Variants in WWOX observed in about 807,000 individuals in gnomAD.
WWOX encodes the protein WW domain containing oxidoreductase.
In WWOX, 69 loss-of-function variants were observed where a neutral mutation model predicts 46.2. The ratio of observed to expected loss-of-function variants is 1.49; its 90% CI spans 1.23 to 1.82. WWOX has a LOEUF of 1.82. Among genes scored for constraint, WWOX ranks in the 40% most tolerant of loss-of-function variants. The pLI, the probability that WWOX is intolerant of heterozygous loss-of-function variation, is 0.00. For missense variants in WWOX, 919 were observed against 542.6 expected (o/e 1.69, Z -6.89); for synonymous variants, 359 against 202.6 (o/e 1.77, Z -6.56).
chr16:78,745,110 G>A (rs1293606900), intron 8 of WWOX, among the ~76,000 whole-genome samples: 1 of 152,162 alleles, frequency 6.6e-6, no homozygotes, highest in Admixed American at 6.5e-5. Flanking sequence ...GACTATAGGA[G>A]CCAAGACTAG....
chr16:79,193,381 C>T (rs887146617), intron 8 of WWOX, among the ~76,000 whole-genome samples: 2 of 152,170 alleles, frequency 1.3e-5, no homozygotes, highest in African/African-American at 2.4e-5. Flanking sequence ...AGGGCATCTC[C>T]CCAAACTGCT....
At chr16:78,427,533 C>A (rs370706937) in intron 7 of WWOX, among the ~76,000 whole-genome samples, 123 of 150,830 alleles carry the variant, frequency 8.2e-4, no homozygotes, top group African/African-American at 2.8e-3. Context: ...CACACATACA[C>A]GCACGCACGC....
intron 8 of WWOX, among the ~76,000 whole-genome samples, chr16:78,720,080 A>G (rs867655499): frequency 2.0e-4 from 30 of 152,152 alleles, no homozygotes; most frequent in African/African-American, 7.2e-4. Flanking sequence ...ATTTAATCGT[A>G]TTGTTATTCT....
At chr16:78,247,733 T>C (rs967383991) in intron 5 of WWOX, among the ~76,000 whole-genome samples, 2 of 152,184 alleles carry the variant, frequency 1.3e-5, no homozygotes, top group African/African-American at 4.8e-5. Context: ...GCTCTTCTGG[T>C]CCACACTGTG....
intron 5 of WWOX, among the ~76,000 whole-genome samples, chr16:78,334,379 T>C (rs113836425): frequency 0.039 from 5,869 of 152,248 alleles, 354 homozygotes; most frequent in African/African-American, 0.13. Context: ...TTATGAACCT[T>C]GGAACAGAAT....
intron 8 of WWOX, among the ~76,000 whole-genome samples, chr16:78,990,056 C>A (rs965013439): frequency 6.6e-6 from 1 of 151,712 alleles, no homozygotes; most frequent in Non-Finnish European, 1.5e-5. Context: ...TGGTGACAGA[C>A]GCTTGTAGTC....
At chr16:78,159,035 CT>C (rs1274440029) in intron 4 of WWOX, among the ~76,000 whole-genome samples, 3 of 151,924 alleles carry the variant, frequency 2.0e-5, no homozygotes, top group African/African-American at 7.3e-5. Context: ...AGTATTTGTC[CT>C]TCTGTGTCTG....
intron 8 of WWOX, among the ~76,000 whole-genome samples, chr16:78,969,249 C>G (rs2046422720): frequency 6.6e-6 from 1 of 150,574 alleles, no homozygotes. Flanking sequence ...GGATTGCCAC[C>G]CTGCTCTCTC....
At chr16:78,443,334 T>C (rs1001592199) in intron 8 of WWOX, among the ~76,000 whole-genome samples, 1 of 151,840 alleles carries the variant, frequency 6.6e-6, no homozygotes, top group Non-Finnish European at 1.5e-5. Flanking sequence ...CAAAACTATA[T>C]GTGCAAGCCT....
At position 78,386,060 on chromosome 16, in the gene WWOX, G is replaced by A. The variant is rs1037163096; in HGVS notation, c.517-800G>A. Among the ~76,000 whole-genome samples, 7 of 152,240 alleles carry A rather than the reference G, an allele frequency of 4.6e-5. No homozygotes were observed. The East Asian group carries it at 7.7e-4, about 17-fold the overall frequency. The stretch of plus-strand genomic sequence containing the variant: ...ACCTCTCCAGTTCTCCTGGTTTCTT[G>A]CTAGGCGGGAACTTGGGCTTCTTTA... On this transcript the variant is annotated intron_variant, in intron 5 of 8. Transcript: ENST00000566780.
chr16:78,432,564 A>G lies in WWOX; in HGVS notation c.868A>G (p.Met290Val). The change falls in exon 8 of 9, where the codon ATG (methionine) becomes GTG (valine). Residue 290 changes from methionine to valine, a missense_variant. Met to Val is a conservative substitution (Grantham distance 21, BLOSUM62 1). Transcript: ENST00000566780. ...LSPTKNDYWA[M>V]LAYNRSKLCN... ...TCCAACAAAAAACGACTATTGGGCG[A>G]TGCTGGCTTATAACAGGTCCAAGCT... 1 of 1,614,194 alleles carries G rather than the reference A, an allele frequency of 6.2e-7. No individual in the cohort carries two copies. The highest frequency in any genetic ancestry group is 1.1e-5 in the South Asian group (1 of 91,084).
chr16:78,369,347 G>A (rs193118890), intron 5 of WWOX, among the ~76,000 whole-genome samples: 2,248 of 151,296 alleles, frequency 0.015, 53 homozygotes, highest in African/African-American at 0.052. Flanking sequence ...AGAAAAAAAC[G>A]TGGAAAAAAA....
At chr16:79,058,114 A>AAAC (rs1555520231) in intron 8 of WWOX, among the ~76,000 whole-genome samples, 47 of 129,784 alleles carry the variant, frequency 3.6e-4, no homozygotes, top group Admixed American at 9.9e-4. Flanking sequence ...CTTAAAAAAA[A>AAAC]AAAAAACAAA....
At chr16:78,557,310 T>G (rs969110053) in intron 8 of WWOX, among the ~76,000 whole-genome samples, 3 of 152,290 alleles carry the variant, frequency 2.0e-5, no homozygotes, top group Middle Eastern at 3.4e-3. Context: ...GCTTTTCATG[T>G]GGGAAAAACC....
intron 8 of WWOX, among the ~76,000 whole-genome samples, chr16:79,134,417 G>T (rs1184734349): frequency 6.6e-6 from 1 of 152,114 alleles, no homozygotes; most frequent in East Asian, 1.9e-4. Context: ...AAGAGGCAGG[G>T]GCTGGAGGGA....
At chr16:78,927,207 G>A (rs1402848470) in intron 8 of WWOX, among the ~76,000 whole-genome samples, 4 of 152,178 alleles carry the variant, frequency 2.6e-5, no homozygotes, top group Non-Finnish European at 4.4e-5. Flanking sequence ...TGTGGTACTC[G>A]TGAGCAGGAT....
At chr16:79,156,661 G>A (rs901580737) in intron 8 of WWOX, among the ~76,000 whole-genome samples, 2 of 152,038 alleles carry the variant, frequency 1.3e-5, no homozygotes, top group Non-Finnish European at 2.9e-5. Context: ...ACTGCTTACA[G>A]AGGTAATTGC....
intron 8 of WWOX, among the ~76,000 whole-genome samples, chr16:78,514,583 G>C (rs1157201518): frequency 6.6e-6 from 1 of 152,150 alleles, no homozygotes; most frequent in Non-Finnish European, 1.5e-5. Context: ...TTCCTTGACC[G>C]ATAAGTGTAC....
chr16:79,209,721 A>C (rs2051651134), intron 8 of WWOX, among the ~76,000 whole-genome samples: 2 of 152,220 alleles, frequency 1.3e-5, no homozygotes, highest in South Asian at 4.1e-4. Context: ...AGTTAGCTGG[A>C]TGAGCATCTC....
Sources: gnomAD v4.1 joint callset for allele counts (sites outside exome capture counted in the v4.1 genomes callset) on GRCh38, gnomAD v4.1.1 for gene constraint, MANE v1.5 for transcripts, NCBI Gene and HGNC (gene_info 2026-07-23, HGNC 2026-07-21) for gene names.